Variants in XIRP2 observed in about 807,000 individuals in gnomAD.
XIRP2 encodes the protein xin actin-binding repeat-containing protein 2.
In XIRP2, 236 loss-of-function variants were observed where a neutral mutation model predicts 277.0. That is an observed-to-expected ratio of 0.85 (90% confidence interval 0.77 to 0.95). The LOEUF is 0.95. Ranked by LOEUF, XIRP2 falls within the 40% of genes least tolerant of loss-of-function variation. The pLI is 0.00. For missense variants in XIRP2, 4,640 were observed against 4,157.5 expected, an observed-to-expected ratio of 1.12 and a Z score of -3.19; for synonymous variants, 1,490 against 1,416.5, an observed-to-expected ratio of 1.05 and a Z score of -1.17.
chr2:166,925,795 G>A (rs764634853), intron 2 of XIRP2, among the ~76,000 whole-genome samples: 17 of 151,726 alleles, frequency 1.1e-4, no homozygotes, highest in Middle Eastern at 6.8e-3. Flanking sequence ...AGAGTGTGGT[G>A]GCTTACCCCT....
At chr2:167,148,743 G>T (rs983123568) in intron 3 of XIRP2, among the ~76,000 whole-genome samples, 6 of 151,996 alleles carry the variant, frequency 3.9e-5, no homozygotes, top group Admixed American at 3.3e-4. Context: ...AGTCAATATG[G>T]CTATTTTATT....
intron 2 of XIRP2, among the ~76,000 whole-genome samples, chr2:166,985,647 G>C (rs1368863941): frequency 6.6e-6 from 1 of 151,918 alleles, no homozygotes; most frequent in African/African-American, 2.4e-5. Context: ...AGCCAGGATG[G>C]TCTTGATCTC....
intron 4 of XIRP2, among the ~76,000 whole-genome samples, chr2:167,217,274 A>G (rs1694280030): frequency 7.3e-6 from 1 of 137,120 alleles, no homozygotes; most frequent in African/African-American, 3.3e-5. Flanking sequence ...CCTAAAACTT[A>G]AAGTATAATA....
Position 167,072,179 on chromosome 2 carries a change from T to C in XIRP2, c.409-63730T>C, listed in dbSNP as rs146304115. Among the ~76,000 whole-genome samples the C allele has an allele frequency of 5.3e-5, 8 of 152,320 alleles. No individual in the cohort carries two copies. In the East Asian group the frequency reaches 1.5e-3, roughly 29 times the overall value. Reference sequence around the variant, plus strand: ...TGTGTGGTATGATTGTGTCTGTGTATGTGTGAATACAAACATACATACATG... The same window carrying C: ...TGTGTGGTATGATTGTGTCTGTGTACGTGTGAATACAAACATACATACATG... On this transcript the variant is annotated intron_variant, in intron 2 of 10. Coordinates refer to ENST00000409195, the MANE Select transcript of XIRP2 (RefSeq NM_152381.6).
intron 2 of XIRP2, among the ~76,000 whole-genome samples, chr2:166,987,849 T>C (rs377637758): frequency 5.4e-4 from 82 of 152,262 alleles, no homozygotes; most frequent in African/African-American, 1.8e-3. Flanking sequence ...TTGTAGCCAA[T>C]AGAATAAGGT....
At chr2:167,223,693 C>A (rs1694500534) in intron 5 of XIRP2, among the ~76,000 whole-genome samples, 1 of 152,206 alleles carries the variant, frequency 6.6e-6, no homozygotes, top group South Asian at 2.1e-4. Flanking sequence ...GTACATAATT[C>A]TTCAAGGTCG....
At chr2:167,087,264 G>C (rs1401224153) in intron 2 of XIRP2, among the ~76,000 whole-genome samples, 2 of 152,180 alleles carry the variant, frequency 1.3e-5, no homozygotes, top group African/African-American at 4.8e-5. Flanking sequence ...CGGAGGTCAG[G>C]GGTCAGGGAC....
intron 2 of XIRP2, among the ~76,000 whole-genome samples, chr2:167,093,201 T>A (rs1453836279): frequency 6.6e-6 from 1 of 151,864 alleles, no homozygotes; most frequent in Non-Finnish European, 1.5e-5. Flanking sequence ...AATTGAGGTC[T>A]ATAATATTAA....
At position 167,258,097 on chromosome 2, in the gene XIRP2, TA is replaced by T. The variant is rs1234106028; in HGVS notation, c.*282del. ...ATCGTAATGAACATTTAGATGCTGG[TA>T]ACAGTGAAGGGCAAAGGAATGATTT... On this transcript the variant is annotated 3_prime_UTR_variant, in exon 11 of 11. Transcript: ENST00000409195. 39 of 1,613,042 alleles carry T rather than the reference TA, an allele frequency of 2.4e-5. No homozygotes were observed. The highest frequency in any genetic ancestry group is 3.0e-5 in the Non-Finnish European group (35 of 1,179,558).
At chr2:166,944,921 C>A (rs1049295848) in intron 2 of XIRP2, among the ~76,000 whole-genome samples, 8 of 134,698 alleles carry the variant, frequency 5.9e-5, no homozygotes, top group African/African-American at 2.4e-4. Context: ...GATTCAAATG[C>A]TGCTGGTTCC....
intron 2 of XIRP2, among the ~76,000 whole-genome samples, chr2:167,035,720 G>A (rs986463535): frequency 1.3e-5 from 2 of 152,148 alleles, no homozygotes. Context: ...AGTAGCAAAG[G>A]GCATAATGTT....
intron 1 of XIRP2, chr2:166,890,013 TG>T (rs1378816970): frequency 6.6e-6 from 1 of 151,484 alleles, no homozygotes; most frequent in Non-Finnish European, 1.5e-5. Flanking sequence ...TTATTTTATT[TG>T]AGACAGAGTC....
intron 2 of XIRP2, among the ~76,000 whole-genome samples, chr2:167,035,601 A>G (rs1574190814): frequency 6.6e-6 from 1 of 152,194 alleles, no homozygotes; most frequent in Admixed American, 6.6e-5. Flanking sequence ...TAAGTTTTAT[A>G]AGGGAAGCAG....
chr2:167,023,891 A>T (rs1454986085), intron 2 of XIRP2, among the ~76,000 whole-genome samples: 1 of 152,196 alleles, frequency 6.6e-6, no homozygotes, highest in Non-Finnish European at 1.5e-5. Flanking sequence ...AGGTAGCGTG[A>T]TGCCTCTGGC....
At chr2:167,107,854 T>A (rs1222363125) in intron 2 of XIRP2, among the ~76,000 whole-genome samples, 1 of 151,726 alleles carries the variant, frequency 6.6e-6, no homozygotes, top group Non-Finnish European at 1.5e-5. Flanking sequence ...CTAGTAAAAA[T>A]TTGTGTTTGT....
intron 2 of XIRP2, among the ~76,000 whole-genome samples, chr2:167,101,518 T>C (rs1317705503): frequency 2.6e-5 from 4 of 152,316 alleles, no homozygotes; most frequent in African/African-American, 9.6e-5. Flanking sequence ...ATCATTCTTA[T>C]GTCTTTGTAT....
At chr2:167,122,276 G>C (rs969645068) in intron 2 of XIRP2, among the ~76,000 whole-genome samples, 2 of 152,112 alleles carry the variant, frequency 1.3e-5, no homozygotes, top group African/African-American at 4.8e-5. Context: ...AACCAAAAAT[G>C]GGGTAAGAAC....
At chr2:166,933,650 T>A (rs2105371238) in intron 2 of XIRP2, among the ~76,000 whole-genome samples, 1 of 152,104 alleles carries the variant, frequency 6.6e-6, no homozygotes, top group Non-Finnish European at 1.5e-5. Context: ...TTTGTGTGTG[T>A]GTGTGTAGAT....
At chr2:166,917,214 G>A (rs1020667482) in intron 2 of XIRP2, among the ~76,000 whole-genome samples, 1 of 152,114 alleles carries the variant, frequency 6.6e-6, no homozygotes, top group African/African-American at 2.4e-5. Flanking sequence ...ACTGAGAAGA[G>A]CCCTCACTGA....
Sources: gnomAD v4.1 joint callset for allele counts (sites outside exome capture counted in the v4.1 genomes callset) on GRCh38, gnomAD v4.1.1 for gene constraint, MANE v1.5 for transcripts, NCBI Gene and HGNC (gene_info 2026-07-23, HGNC 2026-07-21) for gene names.